Variants in FOXP1 observed in about 807,000 individuals in gnomAD.
FOXP1 encodes the protein forkhead box protein P1.
Under a neutral mutation model 98.2 loss-of-function variants are expected in FOXP1, and 15 were observed. The ratio of observed to expected loss-of-function variants is 0.15; its 90% CI spans 0.10 to 0.24. FOXP1 has a LOEUF of 0.24. FOXP1 is among the 10% of genes least tolerant of loss of function. FOXP1 has a pLI of 1.00. For synonymous variants in FOXP1, 371 were observed against 314.5 expected (o/e 1.18, Z -1.90); for missense variants, 633 against 848.5 (o/e 0.75, Z 3.15).
At chr3:71,062,204 C>A (rs2051606696) in intron 7 of FOXP1, among the ~76,000 whole-genome samples, 1 of 152,138 alleles carries the variant, frequency 6.6e-6, no homozygotes, top group Non-Finnish European at 1.5e-5. Context: ...TTATGGTTTA[C>A]CAACTGAGCA....
chr3:71,055,275 T>C (rs2050467282), intron 7 of FOXP1, among the ~76,000 whole-genome samples: 2 of 152,202 alleles, frequency 1.3e-5, no homozygotes, highest in Non-Finnish European at 2.9e-5. Context: ...TCCACTGTTG[T>C]TGTGGGCTTG....
At chr3:71,263,462 C>T (rs1216688616) in intron 5 of FOXP1, among the ~76,000 whole-genome samples, 1 of 152,134 alleles carries the variant, frequency 6.6e-6, no homozygotes, top group African/African-American at 2.4e-5. Context: ...CTTGACCTTC[C>T]TTCTCAGTCA....
intron 4 of FOXP1, among the ~76,000 whole-genome samples, chr3:71,324,870 C>T (rs1008044200): frequency 2.6e-5 from 4 of 151,942 alleles, no homozygotes; most frequent in African/African-American, 4.8e-5. Context: ...GAACAAAGGG[C>T]CATGCTAATG....
At chr3:71,021,611 T>C (rs2045453280) in intron 11 of FOXP1, among the ~76,000 whole-genome samples, 1 of 152,172 alleles carries the variant, frequency 6.6e-6, no homozygotes, top group Non-Finnish European at 1.5e-5. Context: ...GGAGGAACTT[T>C]GAGACCGCTT....
At chr3:71,481,112 T>A (rs1426618962) in intron 3 of FOXP1, among the ~76,000 whole-genome samples, 1 of 152,208 alleles carries the variant, frequency 6.6e-6, no homozygotes, top group Non-Finnish European at 1.5e-5. Flanking sequence ...TGAGGGCAAC[T>A]TTGCTGTAAT....
chr3:71,077,616 ACT>A (rs745410251), intron 7 of FOXP1, among the ~76,000 whole-genome samples: 5 of 151,972 alleles, frequency 3.3e-5, no homozygotes, highest in Admixed American at 6.6e-5. Flanking sequence ...TACAGCATTC[ACT>A]CTCTGTGCTA....
At position 71,229,583 on chromosome 3, in the gene FOXP1, G is replaced by A. The variant is rs553584653; in HGVS notation, c.-11-31191C>T. On this transcript the variant is annotated intron_variant, in intron 5 of 20. Coordinates refer to ENST00000649528, the MANE Select transcript of FOXP1 (RefSeq NM_001349338.3). The stretch of plus-strand genomic sequence containing the variant: ...AAGTATATACTTAATGTTGAATACT[G>A]TCAGGGAAAAAAAGGGTTCTCAAAA... Among the ~76,000 whole-genome samples the A allele has an allele frequency of 3.0e-4, 46 of 152,114 alleles. 1 individual carries two copies. In the South Asian group the frequency reaches 9.1e-3, roughly 30 times the overall value.
chr3:71,277,143 A>G (rs1897497), intron 5 of FOXP1, among the ~76,000 whole-genome samples: 26,552 of 151,490 alleles, frequency 0.18, 2,703 homozygotes, highest in African/African-American at 0.26. Flanking sequence ...TATTTTTAGT[A>G]GAGATGGGGT....
chr3:71,576,505 T>C (rs1420676446), intron 2 of FOXP1, among the ~76,000 whole-genome samples: 5 of 152,210 alleles, frequency 3.3e-5, no homozygotes, highest in Non-Finnish European at 5.9e-5. Context: ...AGTACTTCTG[T>C]CTTTAATTAA....
At chr3:71,396,774 G>C (rs972117575) in intron 3 of FOXP1, among the ~76,000 whole-genome samples, 1 of 150,510 alleles carries the variant, frequency 6.6e-6, no homozygotes, top group East Asian at 2.0e-4. Context: ...GTCAGGTCTT[G>C]TGAGATTGGG....
At chr3:71,166,534 T>C (rs566788564) in intron 6 of FOXP1, among the ~76,000 whole-genome samples, 41 of 152,230 alleles carry the variant, frequency 2.7e-4, no homozygotes, top group Non-Finnish European at 5.1e-4. Context: ...TTTAAACTTC[T>C]TGTTTATTTT....
chr3:71,537,851 T>C (rs115744674), intron 2 of FOXP1, among the ~76,000 whole-genome samples: 330 of 152,368 alleles, frequency 2.2e-3, no homozygotes, highest in African/African-American at 7.5e-3. Flanking sequence ...TACATTTTTA[T>C]ATGGTTGAAG....
intron 5 of FOXP1, among the ~76,000 whole-genome samples, chr3:71,248,205 T>C (rs2067900625): frequency 6.6e-6 from 1 of 152,226 alleles, no homozygotes; most frequent in Admixed American, 6.5e-5. Flanking sequence ...GTTCTATATG[T>C]AGCTCTCCTA....
intron 3 of FOXP1, among the ~76,000 whole-genome samples, chr3:71,439,950 G>T (rs1401427338): frequency 7.5e-6 from 1 of 133,004 alleles, no homozygotes; most frequent in Non-Finnish European, 1.6e-5. Flanking sequence ...TCTGTCTCAG[G>T]AAAAAAAAAA....
chr3:71,461,516 C>T (rs1168925510), intron 3 of FOXP1, among the ~76,000 whole-genome samples: 1 of 151,826 alleles, frequency 6.6e-6, no homozygotes, highest in Non-Finnish European at 1.5e-5. Context: ...AGAAGAAAAA[C>T]AAGAGGCCGG....
At chr3:71,064,855 GGAGCCGGGCTCGGGGCGCCCGCGC>G (rs1423429831) in intron 7 of FOXP1, 14 of 981,892 alleles carry the variant, frequency 1.4e-5, no homozygotes, top group African/African-American at 7.0e-5. Context: ...CCAGGCGCGC[GGAGCCGGGCTCGGGGCGCCCGCGC>G]GGGCCGGGCG....
At chr3:71,547,592 CTTCT>C (rs904016067) in intron 2 of FOXP1, among the ~76,000 whole-genome samples, 43 of 152,324 alleles carry the variant, frequency 2.8e-4, no homozygotes, top group African/African-American at 9.6e-4. Flanking sequence ...TATTTTCTTC[CTTCT>C]ATGACATTAG....
intron 3 of FOXP1, among the ~76,000 whole-genome samples, chr3:71,430,222 G>A (rs115070775): frequency 4.7e-4 from 72 of 152,266 alleles, no homozygotes; most frequent in Non-Finnish European, 9.1e-4. Flanking sequence ...ACTTTGCAGC[G>A]TGAGCGATTT....
At position 71,583,676 on chromosome 3, in the gene FOXP1, A is replaced by G. The variant is rs942400748; in HGVS notation, c.-552T>C. 7.1e-6 allele frequency: 7 copies of G among 984,336 alleles called. No individual in the cohort carries two copies. The African/African-American group carries it at 1.1e-4, about 15-fold the overall frequency. The allele number at this position is 984,336 out of a possible 1,614,324, so 61.0% of individuals were successfully genotyped here. On this transcript the variant is annotated 5_prime_UTR_variant, in exon 1 of 21. Transcript: ENST00000649528. The stretch of plus-strand genomic sequence containing the variant: ...ACCCCGCGCACACACTCACTCGCGC[A>G]CACACGCGCGCACACACGCACTCCC...
Sources: gnomAD v4.1 joint callset for allele counts (sites outside exome capture counted in the v4.1 genomes callset) on GRCh38, gnomAD v4.1.1 for gene constraint, MANE v1.5 for transcripts, NCBI Gene and HGNC (gene_info 2026-07-23, HGNC 2026-07-21) for gene names.